Variants in DLG5 observed in about 807,000 individuals in gnomAD.
DLG5 encodes disks large homolog 5.
In DLG5, 48 loss-of-function variants were observed where a neutral mutation model predicts 189.8. The observed-to-expected ratio is 0.25, with a 90% CI of 0.20 to 0.32. The LOEUF (loss-of-function observed/expected upper bound fraction) is 0.32, where lower values mean the gene tolerates loss of function less well. Ranked by LOEUF, DLG5 falls within the 10% of genes least tolerant of loss-of-function variation. DLG5 has a pLI of 1.00. For missense variants in DLG5, 2,160 were observed against 2,544.7 expected (o/e 0.85, Z 3.25); for synonymous variants, 1,016 against 1,054.1 (o/e 0.96, Z 0.70).
intron 1 of DLG5, among the ~76,000 whole-genome samples, chr10:77,920,597 A>G (rs747341807): frequency 7.9e-5 from 12 of 152,190 alleles, no homozygotes; most frequent in Admixed American, 7.2e-4. Flanking sequence ...GCACAGTGCC[A>G]AAGCTGAGCC....
At position 77,856,861 on chromosome 10, in the gene DLG5, G is replaced by A. The variant is rs111662191; in HGVS notation, c.405C>T (p.Pro135=). ...GTTGKAPSPP[P]LLTDQQVNEK... ...CATTCACTTGCTGGTCAGTGAGGAG[G>A]GGTGGTGGGGACGGCGCCTTCCCGG... Residue 135 remains proline (P), a synonymous_variant, in exon 3 of 32, where the codon CCC becomes CCT. Transcript: ENST00000372391. 6.2e-6 allele frequency: 10 copies of A among 1,612,396 alleles called. No homozygotes were observed. The highest frequency in any genetic ancestry group is 1.3e-5 in the African/African-American group (1 of 75,018).
intron 14 of DLG5, among the ~76,000 whole-genome samples, chr10:77,823,778 G>A (rs748007960): frequency 1.3e-5 from 2 of 151,928 alleles, no homozygotes; most frequent in African/African-American, 2.4e-5. Flanking sequence ...TGATCCACCC[G>A]CCTCCCAAAG....
At chr10:77,913,903 A>C (rs1846292248) in intron 1 of DLG5, among the ~76,000 whole-genome samples, 1 of 152,104 alleles carries the variant, frequency 6.6e-6, no homozygotes, top group Admixed American at 6.5e-5. Context: ...AAAGTCTTTA[A>C]TAGAATTTTA....
intron 5 of DLG5, among the ~76,000 whole-genome samples, chr10:77,852,366 T>C (rs1844020758): frequency 6.6e-6 from 1 of 151,910 alleles, no homozygotes; most frequent in African/African-American, 2.4e-5. Flanking sequence ...GCGAACTCTG[T>C]CTCAAAAAAA....
Position 77,816,693 on chromosome 10 carries a change from A to G in DLG5, c.3883T>C (p.Ser1295Pro). Reference protein sequence around the residue: ...SVVGSERGSVSHSECSTPPQS... With the variant: ...SVVGSERGSVPHSECSTPPQS... ...GGAGGAGTGCTGCATTCAGAATGTGACACTGAACCTGCAGAGAGGAGCGGG... is the reference window on the plus strand; with the variant it reads ...GGAGGAGTGCTGCATTCAGAATGTGGCACTGAACCTGCAGAGAGGAGCGGG... Residue 1295 changes from serine to proline, a missense_variant, in exon 20 of 32, where the codon TCA becomes CCA. Physicochemically the swap from Ser to Pro is moderately conservative, Grantham distance 74 (BLOSUM62 -1). Transcript: ENST00000372391. 1.4e-5 allele frequency: 23 copies of G among 1,608,564 alleles called. No homozygotes were observed. Among genetic ancestry groups the G allele is most frequent in the Non-Finnish European group, 2.0e-5 (23 of 1,177,160 alleles).
At chr10:77,901,539 C>T (rs1324123877) in intron 1 of DLG5, among the ~76,000 whole-genome samples, 2 of 152,202 alleles carry the variant, frequency 1.3e-5, no homozygotes, top group East Asian at 1.9e-4. Context: ...ACTGCTGCAT[C>T]GCATCAGAAA....
At chr10:77,802,640 G>A (rs569839498) in intron 27 of DLG5, among the ~76,000 whole-genome samples, 2 of 152,324 alleles carry the variant, frequency 1.3e-5, no homozygotes, top group East Asian at 3.9e-4. Context: ...AATCCCGGGT[G>A]CAGTGCCTTG....
chr10:77,844,371 C>T (rs1843579708), intron 5 of DLG5, among the ~76,000 whole-genome samples: 2 of 152,350 alleles, frequency 1.3e-5, no homozygotes, highest in African/African-American at 2.4e-5. Context: ...CGCCTTTCCC[C>T]CTTTGCCGAC....
intron 20 of DLG5, chr10:77,816,179 T>C (rs561405515): frequency 2.1e-5 from 11 of 517,154 alleles, no homozygotes; most frequent in African/African-American, 1.7e-4. Context: ...TCCTCAACTG[T>C]GAAACAGGGA....
intron 2 of DLG5, among the ~76,000 whole-genome samples, chr10:77,858,694 A>G (rs1165084754): frequency 6.6e-6 from 1 of 152,190 alleles, no homozygotes; most frequent in East Asian, 1.9e-4. Flanking sequence ...TCACCTAATG[A>G]CGTCTTGTTG....
In DLG5 at chr10:77,854,400, C is replaced by T. The variant is rs200980700; in HGVS notation, c.537-30G>A. 5.1e-3 allele frequency: 8,201 copies of T among 1,611,862 alleles called. 32 individuals carry two copies. Among genetic ancestry groups the T allele is most frequent in the Non-Finnish European group, 5.4e-3 (6,415 of 1,179,374 alleles). ...CCCAGAGAGCGAATGGCCCCATGAA[C>T]ACAGGCCCCAGGATTCACACGGATA... On this transcript the variant is annotated intron_variant, in intron 3 of 31. Transcript: ENST00000372391.
At chr10:77,910,928 C>T (rs1262342955) in intron 1 of DLG5, among the ~76,000 whole-genome samples, 1 of 146,214 alleles carries the variant, frequency 6.8e-6, no homozygotes, top group African/African-American at 2.5e-5. Context: ...GCTGAGACTG[C>T]ACCACTGCAC....
intron 17 of DLG5, among the ~76,000 whole-genome samples, chr10:77,818,467 C>T (rs749490344): frequency 6.6e-6 from 1 of 152,150 alleles, no homozygotes; most frequent in East Asian, 1.9e-4. Flanking sequence ...CTCTTCATCA[C>T]CGCTGCAGGT....
At chr10:77,914,414 C>T (rs1169415803) in intron 1 of DLG5, among the ~76,000 whole-genome samples, 1 of 152,216 alleles carries the variant, frequency 6.6e-6, no homozygotes, top group African/African-American at 2.4e-5. Flanking sequence ...AAATCATCTC[C>T]ACCCTCACCA....
intron 7 of DLG5, among the ~76,000 whole-genome samples, chr10:77,839,233 G>A (rs1843301553): frequency 6.6e-6 from 1 of 152,230 alleles, no homozygotes; most frequent in African/African-American, 2.4e-5. Flanking sequence ...AGGCGCAGTG[G>A]TTCAGGCCTG....
At chr10:77,867,077 C>A (rs908463074) in intron 2 of DLG5, 1 of 456,922 alleles carries the variant, frequency 2.2e-6, no homozygotes, top group African/African-American at 2.0e-5. Context: ...ATACTGTTGA[C>A]GGCTCCATCG....
chr10:77,915,827 A>C (rs1846341882), intron 1 of DLG5, among the ~76,000 whole-genome samples: 1 of 152,216 alleles, frequency 6.6e-6, no homozygotes, highest in Non-Finnish European at 1.5e-5. Flanking sequence ...AAAATAACGA[A>C]CATGCTTCAA....
chr10:77,930,125 A>G (rs1482672273), upstream of DLG5, among the ~76,000 whole-genome samples: 1 of 152,076 alleles, frequency 6.6e-6, no homozygotes, highest in Non-Finnish European at 1.5e-5. Flanking sequence ...ACGCACTCAC[A>G]CACAGTCTGC....
chr10:77,821,780 C>T lies in DLG5; in HGVS notation c.2704G>A (p.Asp902Asn), dbSNP rs1335061205. Residue 902 changes from aspartate to asparagine, a missense_variant, in exon 15 of 32, where the codon GAC (aspartate) becomes AAC (asparagine). Transcript: ENST00000372391. ...LSSFRSDASG[D>N]RGFGLVDVRG... The stretch of plus-strand genomic sequence containing the variant: ...ACGTCCACCAGCCCAAAGCCACGGT[C>T]CCCAGAGGCATCTGAGCGGAAGGAG... The T allele has an allele frequency of 6.2e-7, 1 of 1,610,542 alleles. No homozygotes were observed. The highest frequency in any genetic ancestry group is 8.5e-7 in the Non-Finnish European group (1 of 1,178,690).
Sources: allele counts gnomAD v4.1 joint callset (sites outside exome capture counted in the v4.1 genomes callset), GRCh38; gene constraint gnomAD v4.1.1; transcripts MANE v1.5; gene names NCBI Gene and HGNC (gene_info 2026-07-23, HGNC 2026-07-21).